ZC3H4: variants seen among roughly 807,000 people sequenced by gnomAD.
ZC3H4 encodes zinc finger CCCH-type containing 4.
Under a neutral mutation model 108.3 loss-of-function variants are expected in ZC3H4, and 13 were observed. The observed-to-expected ratio is 0.12, with a 90% CI of 0.08 to 0.19. The LOEUF is 0.19. Ranked by LOEUF, ZC3H4 falls within the 10% of genes least tolerant of loss-of-function variation. ZC3H4 has a pLI of 1.00. For missense variants in ZC3H4, 1,734 were observed against 1,838.8 expected (o/e 0.94, Z 1.04); for synonymous variants, 917 against 749.6 (o/e 1.22, Z -3.65).
At chr19:47,112,845 C>A (rs926986631) in intron 1 of ZC3H4, among the ~76,000 whole-genome samples, 29 of 152,208 alleles carry the variant, frequency 1.9e-4, no homozygotes, top group African/African-American at 7.0e-4. Context: ...GAGAGCCCCC[C>A]CCCCACGCAC....
chr19:47,106,595 C>G (rs761569037), intron 2 of ZC3H4, among the ~76,000 whole-genome samples: 11 of 152,234 alleles, frequency 7.2e-5, no homozygotes, highest in Non-Finnish European at 1.3e-4. Context: ...AAGGCATCTG[C>G]TTTCCAAGTG....
At chr19:47,070,605 G>A (rs1214994569) in intron 13 of ZC3H4, among the ~76,000 whole-genome samples, 3 of 152,122 alleles carry the variant, frequency 2.0e-5, no homozygotes, top group African/African-American at 7.2e-5. Flanking sequence ...TACTGTGGCA[G>A]CCTGTTTTTC....
intron 6 of ZC3H4, among the ~76,000 whole-genome samples, chr19:47,086,167 G>T (rs377638382): frequency 6.6e-6 from 1 of 152,044 alleles, no homozygotes; most frequent in Non-Finnish European, 1.5e-5. Flanking sequence ...GCGCCCAGCC[G>T]ATACCTTTTC....
chr19:47,086,608 C>T (rs1600061268), intron 5 of ZC3H4, 70 bp from the exon 6 acceptor site: 7 of 1,493,146 alleles, frequency 4.7e-6, no homozygotes, highest in Middle Eastern at 3.9e-4. Context: ...AGACAACCCA[C>T]ATTTTGCTCC....
intron 4 of ZC3H4, among the ~76,000 whole-genome samples, chr19:47,091,182 G>C (rs1183726930): frequency 6.6e-6 from 1 of 152,302 alleles, no homozygotes; most frequent in East Asian, 1.9e-4. Flanking sequence ...TGAGGCAGGA[G>C]AATTGCTTGA....
chr19:47,067,953 GCAGCT>G lies in ZC3H4; in HGVS notation c.2399-89_2399-85del. On this transcript the variant is annotated intron_variant, in intron 14 of 14. Transcript: ENST00000253048. This position sits in a 1 kb window ranked among gnomAD's most constrained non-coding sequence, Gnocchi z 6.4. ...TGGATCCCACAGCAGCCCACCGTGA[GCAGCT>G]CCTTTGCTTGTGCCTCTCAGAACCT... is the stretch of plus-strand genomic sequence containing the variant. The G allele has an allele frequency of 7.5e-7, 1 of 1,335,078 alleles. No individual in the cohort carries two copies. The highest frequency in any genetic ancestry group is 1.0e-6 in the Non-Finnish European group (1 of 970,068). 82.7% of individuals were successfully genotyped at this position (1,335,078 alleles called of 1,614,324 possible).
chr19:47,082,489 T>G (rs1600042351), intron 9 of ZC3H4, among the ~76,000 whole-genome samples, 194 bp from the exon 10 acceptor site: 2 of 152,232 alleles, frequency 1.3e-5, no homozygotes, highest in African/African-American at 4.8e-5. Context: ...TTTTAAATAT[T>G]TTTTTGTAGA....
chr19:47,110,039 C>T lies in ZC3H4; in HGVS notation c.161+2385G>A, dbSNP rs567541012. On this transcript the variant is annotated intron_variant, in intron 2 of 14. Coordinates refer to ENST00000253048, the MANE Select transcript of ZC3H4 (RefSeq NM_015168.2). ...TCAACTTTTCACAGTCAGACATGTG[C>T]TTTCGAACAAAGGAGCAGTGGAGAC... Among the ~76,000 whole-genome samples, 11 of 152,266 alleles carry T rather than the reference C, an allele frequency of 7.2e-5. No individual in the cohort carries two copies. In the East Asian group the frequency reaches 2.1e-3, roughly 29 times the overall value.
intron 1 of ZC3H4, among the ~76,000 whole-genome samples, 165 bp from the exon 2 acceptor site, chr19:47,112,754 C>CG (rs1255663996): frequency 1.3e-5 from 2 of 152,186 alleles, no homozygotes; most frequent in African/African-American, 4.8e-5. Flanking sequence ...GCCTAGGCCT[C>CG]GGAGGGCCGC....
Position 47,066,761 on chromosome 19 carries a change from G to C in ZC3H4, c.3507C>G (p.Ala1169=), listed in dbSNP as rs779625386. The change falls in exon 15 of 15, where the codon GCC becomes GCG. Residue 1169 remains alanine (A), a synonymous_variant. Transcript: ENST00000253048. Reference sequence around the variant, plus strand: ...CATTGCCCTCAGCACCCTTGGGCTGGGCACCCGTGTCAGCAGCCGGCTCTG... The same window carrying C: ...CATTGCCCTCAGCACCCTTGGGCTGCGCACCCGTGTCAGCAGCCGGCTCTG... ...KATEPAADTG[A]QPKGAEGNGK... The C allele has an allele frequency of 2.5e-6, 4 of 1,603,846 alleles. No individual in the cohort carries two copies. In the Admixed American group the frequency reaches 6.7e-5, roughly 27 times the overall value.
chr19:47,083,564 G>A (rs2057562276), intron 9 of ZC3H4, among the ~76,000 whole-genome samples: 1 of 152,040 alleles, frequency 6.6e-6, no homozygotes, highest in Non-Finnish European at 1.5e-5. Flanking sequence ...AATTAGCCGG[G>A]TGTGGTGGCG....
intron 14 of ZC3H4, 37 bp downstream of exon 14, chr19:47,069,055 T>C (rs758804682): frequency 1.2e-6 from 2 of 1,600,950 alleles, no homozygotes; most frequent in Admixed American, 1.7e-5. Context: ...CACAGCGGCC[T>C]GGGGCCTGTG....
At chr19:47,073,905 CCT>C (rs910229177) in intron 11 of ZC3H4, among the ~76,000 whole-genome samples, 3 of 152,168 alleles carry the variant, frequency 2.0e-5, no homozygotes, top group Non-Finnish European at 4.4e-5. Flanking sequence ...ATCATATTCC[CCT>C]GTCATGTTTG....
intron 2 of ZC3H4, among the ~76,000 whole-genome samples, chr19:47,110,334 A>C (rs1237836277): frequency 1.3e-5 from 2 of 152,246 alleles, no homozygotes; most frequent in Non-Finnish European, 2.9e-5. Context: ...CTGGAGACAA[A>C]GCAATGGATT....
rs551192232 is a variant in ZC3H4 at position 47,095,135 on chromosome 19, G to A, written c.162-527C>T. ...GGCCCAGGATTGCCTGCTGGGCCCC[G>A]GGCCCCAGTGAGCTGGGCGTCAGTG... On this transcript the variant is annotated intron_variant, in intron 2 of 14. Transcript: ENST00000253048. Among the ~76,000 whole-genome samples the A allele has an allele frequency of 3.3e-5, 5 of 152,236 alleles. No homozygotes were observed. The South Asian group carries it at 8.3e-4, about 25-fold the overall frequency.
At chr19:47,094,333 G>T (rs1337514834) in intron 3 of ZC3H4, 56 bp downstream of exon 3, 33 of 1,591,334 alleles carry the variant, frequency 2.1e-5, no homozygotes, top group Admixed American at 3.3e-5. Flanking sequence ...AGCCCCTGGG[G>T]CTCTCAGCCA....
intron 5 of ZC3H4, among the ~76,000 whole-genome samples, chr19:47,088,344 G>A (rs1055174775): frequency 2.0e-5 from 3 of 151,586 alleles, no homozygotes; most frequent in South Asian, 2.1e-4. Context: ...TCGAGAGATC[G>A]AGACCACCCT....
intron 2 of ZC3H4, among the ~76,000 whole-genome samples, chr19:47,102,595 G>T (rs2057917278): frequency 6.6e-6 from 1 of 152,104 alleles, no homozygotes; most frequent in Non-Finnish European, 1.5e-5. Context: ...CAAGCACTTA[G>T]CAGGAACCTT....
intron 8 of ZC3H4, 149 bp from the exon 9 acceptor site, chr19:47,084,604 G>T (rs2057583020): frequency 6.7e-6 from 5 of 749,972 alleles, no homozygotes; most frequent in Admixed American, 2.2e-5. Context: ...TAACACGGAG[G>T]CTGCGTGCAC....
Sources: allele counts gnomAD v4.1 joint callset (sites outside exome capture counted in the v4.1 genomes callset), GRCh38; gene constraint gnomAD v4.1.1; non-coding constraint Gnocchi (gnomAD v3.1); transcripts MANE v1.5; gene names NCBI Gene and HGNC (gene_info 2026-07-23, HGNC 2026-07-21).